The following LRRC4B variants were observed in gnomAD, a reference collection of about 807,000 sequenced individuals.
LRRC4B encodes the protein leucine-rich repeat-containing protein 4B.
LRRC4B carries 1 observed loss-of-function variant against 7.3 expected under a neutral mutation model. The ratio of observed to expected loss-of-function variants is 0.14; its 90% CI spans 0.05 to 0.65. LRRC4B has a LOEUF of 0.65. Among genes scored for constraint, LRRC4B ranks in the 30% least tolerant of loss-of-function variants. The pLI, the probability that LRRC4B is intolerant of heterozygous loss-of-function variation, is 0.84. For synonymous variants in LRRC4B, 500 were observed against 499.2 expected (o/e 1.00, Z -0.02); for missense variants, 730 against 1,041.6 (o/e 0.70, Z 4.12).
intron 2 of LRRC4B, among the ~76,000 whole-genome samples, chr19:50,543,834 CAG>C (rs1426389945): frequency 2.6e-5 from 3 of 113,444 alleles, no homozygotes; most frequent in African/African-American, 1.1e-4. Context: ...GCCTGGGTGA[CAG>C]AGTGAGCCTC....
At chr19:50,522,001 C>A (rs1046147481) in intron 2 of LRRC4B, among the ~76,000 whole-genome samples, 1 of 152,188 alleles carries the variant, frequency 6.6e-6, no homozygotes, top group South Asian at 2.1e-4. Context: ...CAAAGCAAGA[C>A]CCCTGTCTCT....
intron 2 of LRRC4B, among the ~76,000 whole-genome samples, chr19:50,541,684 G>A (rs562067728): frequency 4.2e-4 from 64 of 152,284 alleles, no homozygotes; most frequent in South Asian, 1.0e-3. Context: ...CCCCAGGAGG[G>A]ACCCAGAGCC....
Position 50,519,178 on chromosome 19 carries a change from T to G in LRRC4B, c.535A>C (p.Asn179His). ...PIESIPSYAF[N>H]RVPSLRRLDL... ...AGGCGCCGCAGCGAGGGCACGCGGT[T>G]GAAGGCGTAGGAGGGGATGCTCTCG... is the stretch of plus-strand genomic sequence containing the variant. Residue 179 changes from asparagine (N) to histidine (H), a missense_variant, in exon 3 of 3, where the codon AAC (asparagine) becomes CAC (histidine). Coordinates refer to ENST00000652263, the MANE Select transcript of LRRC4B (RefSeq NM_001080457.2). The surrounding 1 kb of genome is among the most constrained non-coding windows in gnomAD (Gnocchi z 8.1). 1.2e-6 allele frequency: 2 copies of G among 1,613,482 alleles called. No individual in the cohort carries two copies. Among genetic ancestry groups the G allele is most frequent in the Non-Finnish European group, 1.7e-6 (2 of 1,179,942 alleles).
chr19:50,520,088 C>G (rs1325580030), intron 2 of LRRC4B, among the ~76,000 whole-genome samples: 1 of 147,914 alleles, frequency 6.8e-6, no homozygotes, highest in Non-Finnish European at 1.5e-5. Context: ...TGCCTGTTGT[C>G]CCAGCTACTA....
rs1219677171 is a variant in LRRC4B, at chr19:50,548,867, T to C, written c.-29A>G. 2 of 453,366 alleles carry C rather than the reference T, an allele frequency of 4.4e-6. No homozygotes were observed. The highest frequency in any genetic ancestry group is 5.8e-5 in the African/African-American group (1 of 17,308). The allele number at this position is 453,366 out of a possible 1,614,324, so 28.1% of individuals were successfully genotyped here. A position where few individuals can be genotyped will look rare whatever the true frequency, so the allele number is the denominator to read the frequency against. The stretch of plus-strand genomic sequence containing the variant: ...CAATGTTCATGCTCCGCGTGGACGC[T>C]GGGGGGCTGTGGGTGGGGGAGAGAA... On this transcript the variant is annotated 5_prime_UTR_variant, in exon 2 of 3. Coordinates refer to ENST00000652263, the MANE Select transcript of LRRC4B (RefSeq NM_001080457.2). This position sits in a 1 kb window ranked among gnomAD's most constrained non-coding sequence, Gnocchi z 6.8.
intron 2 of LRRC4B, among the ~76,000 whole-genome samples, chr19:50,546,698 G>A (rs1039673353): frequency 3.3e-5 from 5 of 152,234 alleles, no homozygotes; most frequent in South Asian, 2.1e-4. Flanking sequence ...CGCTGGTGGC[G>A]CTCAGCACGT....
chr19:50,519,513 T>A lies in LRRC4B; in HGVS notation c.298-98A>T. 2 of 1,448,940 alleles carry A rather than the reference T, an allele frequency of 1.4e-6. No homozygotes were observed. Among genetic ancestry groups the A allele is most frequent in the Non-Finnish European group, 1.8e-6 (2 of 1,105,026 alleles). 89.8% of individuals were successfully genotyped at this position (1,448,940 alleles called of 1,614,324 possible). A position where few individuals can be genotyped will look rare whatever the true frequency, so the allele number is the denominator to read the frequency against. The stretch of plus-strand genomic sequence containing the variant: ...GCGCAGGTGGGGCCGTGTGGCTGGA[T>A]CTCCCGTGCTGTGCTGTGACGGTAC... On this transcript the variant is annotated intron_variant, in intron 2 of 2. Coordinates refer to ENST00000652263, the MANE Select transcript of LRRC4B (RefSeq NM_001080457.2). This position sits in a 1 kb window ranked among gnomAD's most constrained non-coding sequence, Gnocchi z 8.1.
At position 50,519,983 on chromosome 19, in the gene LRRC4B, C is replaced by G. The variant is rs563388657; in HGVS notation, c.298-568G>C. Reference sequence around the variant, plus strand: ...GCTGAGGTGGGCAGATCACTTGAACCCAGGAGATCAAGATCAGACTGGGCA... The same window carrying G: ...GCTGAGGTGGGCAGATCACTTGAACGCAGGAGATCAAGATCAGACTGGGCA... On this transcript the variant is annotated intron_variant, in intron 2 of 2. Transcript: ENST00000652263. This position sits in a 1 kb window ranked among gnomAD's most constrained non-coding sequence, Gnocchi z 8.1. Among the ~76,000 whole-genome samples the G allele has an allele frequency of 6.6e-5, 10 of 150,986 alleles. No individual in the cohort carries two copies. The highest frequency in any genetic ancestry group is 2.4e-4 in the African/African-American group (10 of 41,120).
At chr19:50,552,013 T>C (rs1599782230) in intron 1 of LRRC4B, among the ~76,000 whole-genome samples, 1 of 152,130 alleles carries the variant, frequency 6.6e-6, no homozygotes, top group Non-Finnish European at 1.5e-5. Context: ...CCATTGGTTC[T>C]GGGCAGCCGA....
Position 50,548,881 on chromosome 19 carries a change from TG to T in LRRC4B, c.-35-9del. On this transcript the variant is annotated splice_polypyrimidine_tract_variant and intron_variant, in intron 1 of 2. Transcript: ENST00000652263. This position sits in a 1 kb window ranked among gnomAD's most constrained non-coding sequence, Gnocchi z 6.8. ...CGCGTGGACGCTGGGGGGCTGTGGG[TG>T]GGGGAGAGAAGGGGGAGAGGCTTGG... The T allele has an allele frequency of 1.8e-5, 8 of 433,726 alleles. No individual in the cohort carries two copies. The highest frequency in any genetic ancestry group is 2.6e-5 in the Non-Finnish European group (8 of 312,414). 26.9% of individuals were successfully genotyped at this position (433,726 alleles called of 1,614,324 possible). A position where few individuals can be genotyped will look rare whatever the true frequency, so the allele number is the denominator to read the frequency against.
At chr19:50,550,274 C>G (rs1011908216) in intron 1 of LRRC4B, among the ~76,000 whole-genome samples, 3 of 152,140 alleles carry the variant, frequency 2.0e-5, no homozygotes, top group African/African-American at 7.2e-5. Flanking sequence ...GCTCCCAGCT[C>G]TCCTTTGCAC....
chr19:50,533,370 T>C (rs1981134667), intron 2 of LRRC4B, among the ~76,000 whole-genome samples: 1 of 152,306 alleles, frequency 6.6e-6, no homozygotes, highest in South Asian at 2.1e-4. Context: ...TTAACATGCA[T>C]ACCTAAAGAC....
At chr19:50,549,466 CT>C (rs1981961614) in intron 1 of LRRC4B, among the ~76,000 whole-genome samples, 1 of 152,196 alleles carries the variant, frequency 6.6e-6, no homozygotes, top group African/African-American at 2.4e-5. Context: ...CCCCCACCCC[CT>C]GTGCCCTCAG....
In LRRC4B at chr19:50,518,890, C is replaced by T. The variant is rs1305375205; in HGVS notation, c.823G>A (p.Asp275Asn). 12 of 1,614,020 alleles carry T rather than the reference C, an allele frequency of 7.4e-6. No homozygotes were observed. Among genetic ancestry groups the T allele is most frequent in the Non-Finnish European group, 1.0e-5 (12 of 1,179,990 alleles). Residue 275 changes from aspartate to asparagine, a missense_variant, in exon 3 of 3, where the codon GAC becomes AAC. Transcript: ENST00000652263. ...TTGAGCTCCTCCAGCGACTTGAGGT[C>T]GTCGAAGGCGTTGCGCTCGATGGTG... is the stretch of plus-strand genomic sequence containing the variant. The part of the protein sequence containing the change: ...VATIERNAFD[D>N]LKSLEELNLS...
At chr19:50,544,068 G>A (rs1281166594) in intron 2 of LRRC4B, among the ~76,000 whole-genome samples, 7 of 151,836 alleles carry the variant, frequency 4.6e-5, no homozygotes, top group South Asian at 2.1e-4. Context: ...TTAGCTGGGC[G>A]TGGTGGTGTG....
intron 2 of LRRC4B, among the ~76,000 whole-genome samples, chr19:50,521,205 T>G (rs1322745520): frequency 6.6e-6 from 1 of 152,054 alleles, no homozygotes; most frequent in African/African-American, 2.4e-5. Context: ...GCCGGTGCGG[T>G]GGATCCGTCC....
At chr19:50,536,697 C>T (rs920360071) in intron 2 of LRRC4B, among the ~76,000 whole-genome samples, 1 of 152,190 alleles carries the variant, frequency 6.6e-6, no homozygotes, top group African/African-American at 2.4e-5. Context: ...ACCACGGCAT[C>T]CTTGTGAGGA....
intron 2 of LRRC4B, among the ~76,000 whole-genome samples, chr19:50,546,366 A>C (rs1555808171): frequency 6.6e-6 from 1 of 152,078 alleles, no homozygotes; most frequent in Non-Finnish European, 1.5e-5. Flanking sequence ...ACAAAAATAA[A>C]GAGCCTCTGA....
chr19:50,560,092 A>G (rs1167091524), intron 1 of LRRC4B, among the ~76,000 whole-genome samples: 4 of 152,170 alleles, frequency 2.6e-5, no homozygotes, highest in East Asian at 1.9e-4. Flanking sequence ...CCGAGATCGC[A>G]CCACTGTACT....
Sources: gnomAD v4.1 joint callset for allele counts (sites outside exome capture counted in the v4.1 genomes callset) on GRCh38, gnomAD v4.1.1 for gene constraint, Gnocchi (gnomAD v3.1) non-coding constraint, MANE v1.5 for transcripts, NCBI Gene and HGNC (gene_info 2026-07-23, HGNC 2026-07-21) for gene names.